The following BIN2 variants were observed in gnomAD, a reference collection of about 807,000 sequenced individuals.
BIN2 encodes the protein bridging integrator 2.
BIN2 carries 43 observed loss-of-function variants against 67.9 expected under a neutral mutation model. The ratio of observed to expected loss-of-function variants is 0.63; its 90% CI spans 0.50 to 0.82. BIN2 has a LOEUF of 0.82. BIN2 is among the 40% of genes least tolerant of loss of function. BIN2 has a pLI of 0.00. For missense variants in BIN2, 581 were observed against 671.6 expected, an observed-to-expected ratio of 0.87 and a Z score of 1.49; for synonymous variants, 244 against 246.8, an observed-to-expected ratio of 0.99 and a Z score of 0.11.
chr12:51,315,500 A>G (rs1592280962), intron 1 of BIN2, among the ~76,000 whole-genome samples: 1 of 152,122 alleles, frequency 6.6e-6, no homozygotes, highest in African/African-American at 2.4e-5. Flanking sequence ...TGGGTTTTTG[A>G]GAAGGAAGGA....
chr12:51,305,914 A>G (rs190426900), intron 2 of BIN2, among the ~76,000 whole-genome samples: 2,957 of 140,744 alleles, frequency 0.021, 52 homozygotes, highest in Non-Finnish European at 0.032. Context: ...GCTCACTGCA[A>G]CCTCCGCCTC....
Position 51,321,194 on chromosome 12 carries a change from G to A in BIN2, c.81+2828C>T, listed in dbSNP as rs77005523. Among the ~76,000 whole-genome samples, 1,316 of 152,268 alleles carry A rather than the reference G, an allele frequency of 8.6e-3. 58 individuals carry two copies. The East Asian group carries it at 0.14, about 16-fold the overall frequency. On this transcript the variant is annotated intron_variant, in intron 1 of 12. Transcript: ENST00000615107. Reference sequence around the variant, plus strand: ...GATGTGAGAGTGGCTTATCAGGAACGTTGTAAAGCAGCAGCCTGAGTGAGG... The same window carrying A: ...GATGTGAGAGTGGCTTATCAGGAACATTGTAAAGCAGCAGCCTGAGTGAGG...
chr12:51,307,684 T>G (rs565742159), intron 2 of BIN2, among the ~76,000 whole-genome samples: 1 of 150,652 alleles, frequency 6.6e-6, no homozygotes, highest in African/African-American at 2.4e-5. Context: ...CACTCCAACC[T>G]GGGCGACAAG....
chr12:51,297,239 G>C, intron 7 of BIN2, 75 bp from the exon 8 acceptor site: 1 of 1,451,906 alleles, frequency 6.9e-7, no homozygotes, highest in Non-Finnish European at 9.6e-7. Flanking sequence ...ATACAAAGTA[G>C]GACTTAAGCC....
intron 1 of BIN2, among the ~76,000 whole-genome samples, chr12:51,316,023 TC>T (rs1384429741): frequency 6.6e-6 from 1 of 152,088 alleles, no homozygotes. Flanking sequence ...CTTCATTGAA[TC>T]CCTCGCCATG....
At chr12:51,282,266 C>CATATAT (rs10625381) in intron 12 of BIN2, among the ~76,000 whole-genome samples, 65 of 151,528 alleles carry the variant, frequency 4.3e-4, no homozygotes, top group Non-Finnish European at 6.6e-4. Flanking sequence ...ATATAATAAA[C>CATATAT]ATATATATAT....
At chr12:51,295,960 A>G in intron 8 of BIN2, 82 bp from the exon 9 acceptor site, 3 of 1,103,914 alleles carry the variant, frequency 2.7e-6, no homozygotes, top group Non-Finnish European at 4.1e-6. Context: ...CCCTTCAGAC[A>G]GCTTCCCAAA....
At chr12:51,296,559 A>AGCT (rs1945573457) in intron 8 of BIN2, among the ~76,000 whole-genome samples, 1 of 152,184 alleles carries the variant, frequency 6.6e-6, no homozygotes, top group African/African-American at 2.4e-5. Context: ...ACTTTAGCCA[A>AGCT]ATAAACTATG....
In BIN2 at chr12:51,303,076, G is replaced by T. The variant is rs1417032121; in HGVS notation, c.217+11C>A. 6.2e-7 allele frequency: 1 copy of T among 1,613,648 alleles called. No homozygotes were observed. The highest frequency in any genetic ancestry group is 8.5e-7 in the Non-Finnish European group (1 of 1,179,524). ...AATGCCCTCTGGATTCTCCCATGCTGCATTGCCCACCTTTGACTGCACTAA... is the reference window on the plus strand; with the variant it reads ...AATGCCCTCTGGATTCTCCCATGCTTCATTGCCCACCTTTGACTGCACTAA... On this transcript the variant is annotated intron_variant, in intron 3 of 12. Transcript: ENST00000615107.
intron 8 of BIN2, 120 bp downstream of exon 8, chr12:51,296,969 G>C: frequency 1.1e-6 from 1 of 903,798 alleles, no homozygotes; most frequent in Middle Eastern, 3.3e-4. Flanking sequence ...TTCATCATGA[G>C]AGAAAAGCCA....
chr12:51,307,135 T>C (rs1381296051), intron 2 of BIN2, among the ~76,000 whole-genome samples: 3 of 151,382 alleles, frequency 2.0e-5, no homozygotes, highest in Admixed American at 1.3e-4. Context: ...ACACAAAAAT[T>C]AGCTGGGTGT....
chr12:51,297,321 C>A (rs1166361072), intron 7 of BIN2, 157 bp from the exon 8 acceptor site: 12 of 625,492 alleles, frequency 1.9e-5, no homozygotes, highest in Non-Finnish European at 2.7e-5. Context: ...GTAATCCCAG[C>A]ACTTTGGGAG....
Position 51,298,000 on chromosome 12 carries a change from C to G in BIN2, c.603-836G>C, listed in dbSNP as rs147532925. Among the ~76,000 whole-genome samples the G allele has an allele frequency of 2.2e-4, 33 of 152,162 alleles. 1 individual carries two copies. The East Asian group carries it at 5.2e-3, about 24-fold the overall frequency. On this transcript the variant is annotated intron_variant, in intron 7 of 12. Coordinates refer to ENST00000615107, the MANE Select transcript of BIN2 (RefSeq NM_016293.4). ...GTGGCTCATGCCTGTAATCCCAGCACTTTGGGAGGCTGGGGCAGGTAGATC... is the reference window on the plus strand; with the variant it reads ...GTGGCTCATGCCTGTAATCCCAGCAGTTTGGGAGGCTGGGGCAGGTAGATC...
intron 2 of BIN2, among the ~76,000 whole-genome samples, chr12:51,310,071 C>A (rs1450849359): frequency 6.6e-6 from 1 of 152,168 alleles, no homozygotes; most frequent in Non-Finnish European, 1.5e-5. Flanking sequence ...TGTTACTTTA[C>A]TATTAACATC....
chr12:51,321,109 G>C (rs779815088), intron 1 of BIN2, among the ~76,000 whole-genome samples: 1 of 149,762 alleles, frequency 6.7e-6, no homozygotes, highest in East Asian at 2.0e-4. Flanking sequence ...TGAACAAAAA[G>C]TGTTTCTACT....
chr12:51,283,993 CAA>C (rs34571040), intron 12 of BIN2, among the ~76,000 whole-genome samples: 10 of 133,142 alleles, frequency 7.5e-5, no homozygotes, highest in South Asian at 2.4e-4. Context: ...AACTCCGTCT[CAA>C]AAAAAAAAAA....
intron 9 of BIN2, among the ~76,000 whole-genome samples, chr12:51,294,506 G>T (rs1945480014): frequency 6.6e-6 from 1 of 151,110 alleles, no homozygotes; most frequent in African/African-American, 2.4e-5. Context: ...AGCAGAGGTT[G>T]CAGTAAGCCA....
chr12:51,305,305 A>AAAAT (rs765252734), intron 2 of BIN2, among the ~76,000 whole-genome samples: 2 of 149,888 alleles, frequency 1.3e-5, no homozygotes, highest in Non-Finnish European at 3.0e-5. Context: ...CTCCATCTCA[A>AAAAT]AAATAAATAA....
At chr12:51,297,364 C>T (rs140230076) in intron 7 of BIN2, 200 bp from the exon 8 acceptor site, 14 of 471,342 alleles carry the variant, frequency 3.0e-5, no homozygotes, top group South Asian at 1.9e-4. Context: ...GTCAGGAGAT[C>T]AAGACCATCC....
Sources: allele counts gnomAD v4.1 joint callset (sites outside exome capture counted in the v4.1 genomes callset), GRCh38; gene constraint gnomAD v4.1.1; transcripts MANE v1.5; gene names NCBI Gene and HGNC (gene_info 2026-07-23, HGNC 2026-07-21).